Variants in DCDC1 observed in about 807,000 individuals in gnomAD.
DCDC1 encodes doublecortin domain-containing protein 1.
In DCDC1, 200 loss-of-function variants were observed where a neutral mutation model predicts 178.3. That is an observed-to-expected ratio of 1.12 (90% CI 1.00 to 1.26). DCDC1 has a LOEUF of 1.26. Ranked by LOEUF, DCDC1 falls within the 50% of genes most tolerant of loss-of-function variation. The probability of loss-of-function intolerance (pLI) is 0.00; values close to 1 mark genes in which losing one functional copy is unlikely to be tolerated. For synonymous variants in DCDC1, 690 were observed against 604.8 expected (o/e 1.14, Z -2.07); for missense variants, 1,983 against 1,749.2 (o/e 1.13, Z -2.38).
chr11:30,933,608 T>C (rs970090136), intron 21 of DCDC1, among the ~76,000 whole-genome samples: 2 of 145,884 alleles, frequency 1.4e-5, no homozygotes, highest in Non-Finnish European at 2.9e-5. Context: ...GAAATTAACA[T>C]GTAATTTTCA....
chr11:31,269,858 A>AT (rs1431319301), intron 7 of DCDC1, among the ~76,000 whole-genome samples: 1 of 152,136 alleles, frequency 6.6e-6, no homozygotes, highest in African/African-American at 2.4e-5. Flanking sequence ...ATCCAGACAT[A>AT]TCTATTATAG....
At chr11:31,107,172 G>A (rs1372952543) in intron 12 of DCDC1, among the ~76,000 whole-genome samples, 1 of 152,142 alleles carries the variant, frequency 6.6e-6, no homozygotes, top group Non-Finnish European at 1.5e-5. Flanking sequence ...ACCAGCAGGG[G>A]GGGCCACAGG....
intron 12 of DCDC1, among the ~76,000 whole-genome samples, chr11:31,109,676 G>A (rs1027032689): frequency 8.5e-5 from 13 of 152,162 alleles, no homozygotes; most frequent in Non-Finnish European, 1.8e-4. Context: ...AAACACTGCT[G>A]TGCGCTCGGG....
chr11:31,256,350 C>T (rs777324908), intron 8 of DCDC1, among the ~76,000 whole-genome samples: 100 of 152,104 alleles, frequency 6.6e-4, no homozygotes, highest in Non-Finnish European at 1.0e-3. Flanking sequence ...ACATGTTTGG[C>T]GGGTCCCCAT....
chr11:30,884,033 A>ATTTTTTTTTTTTTTTTTTTT (rs59940255), intron 36 of DCDC1, among the ~76,000 whole-genome samples: 9 of 95,770 alleles, frequency 9.4e-5, no homozygotes, highest in Non-Finnish European at 1.8e-4. Flanking sequence ...ATTCTTTCTC[A>ATTTTTTTTTTTTTTTTTTTT]TTTTTTTTTT....
intron 6 of DCDC1, among the ~76,000 whole-genome samples, chr11:31,293,435 A>C (rs1947375792): frequency 6.6e-6 from 1 of 152,136 alleles, no homozygotes; most frequent in African/African-American, 2.4e-5. Flanking sequence ...TTACCAATAA[A>C]GGGTTTTCCA....
At position 31,189,074 on chromosome 11, in the gene DCDC1, C is replaced by A. The variant is rs114563987; in HGVS notation, c.1222-51290G>T. ...AATTTGTTGGTGCCTTCATCTGGTACTTCTCAGCCACCAAAACTATAAGTA... is the reference window on the plus strand; with the variant it reads ...AATTTGTTGGTGCCTTCATCTGGTAATTCTCAGCCACCAAAACTATAAGTA... On this transcript the variant is annotated intron_variant, in intron 9 of 38. Coordinates refer to ENST00000684477, the MANE Select transcript of DCDC1 (RefSeq NM_001387274.1). Among the ~76,000 whole-genome samples the A allele has an allele frequency of 7.6e-3, 1,157 of 152,248 alleles. 18 individuals carry two copies. The highest frequency in any genetic ancestry group is 0.026 in the African/African-American group (1,091 of 41,538).
intron 3 of DCDC1, among the ~76,000 whole-genome samples, chr11:31,325,505 G>A (rs1418014605): frequency 3.3e-5 from 5 of 152,050 alleles, no homozygotes; most frequent in African/African-American, 7.2e-5. Context: ...TCTTGTGAGG[G>A]GGCATGTCCT....
At chr11:31,028,156 CAGAT>C (rs1241789392) in intron 20 of DCDC1, among the ~76,000 whole-genome samples, 4 of 151,798 alleles carry the variant, frequency 2.6e-5, no homozygotes, top group Admixed American at 6.6e-5. Flanking sequence ...TTTTCTAACA[CAGAT>C]AAAGTTGTTA....
At chr11:30,978,779 A>AACACAC (rs56058117) in intron 20 of DCDC1, among the ~76,000 whole-genome samples, 1,537 of 118,936 alleles carry the variant, frequency 0.013, 42 homozygotes, top group African/African-American at 0.05. Flanking sequence ...GTCCCCCCTC[A>AACACAC]ACACACACAC....
chr11:31,355,389 G>A (rs1329490214), intron 1 of DCDC1, among the ~76,000 whole-genome samples: 1 of 152,032 alleles, frequency 6.6e-6, no homozygotes, highest in Non-Finnish European at 1.5e-5. Flanking sequence ...TCAGGCAAGA[G>A]CCAACAGTAT....
chr11:31,221,311 T>C (rs1470555940), intron 9 of DCDC1, among the ~76,000 whole-genome samples: 1 of 152,206 alleles, frequency 6.6e-6, no homozygotes, highest in Non-Finnish European at 1.5e-5. Context: ...CTAGACAAGT[T>C]ATATGCTTCC....
chr11:31,048,698 A>T (rs1459119664), intron 20 of DCDC1, among the ~76,000 whole-genome samples: 7 of 149,906 alleles, frequency 4.7e-5, no homozygotes, highest in Non-Finnish European at 7.4e-5. Context: ...CTAAAAATAT[A>T]AAAAAAAAAT....
intron 9 of DCDC1, among the ~76,000 whole-genome samples, chr11:31,147,888 G>A (rs1366288449): frequency 6.6e-6 from 1 of 152,154 alleles, no homozygotes; most frequent in African/African-American, 2.4e-5. Flanking sequence ...GCTGCTAATG[G>A]TACAGATTTT....
chr11:30,910,652 T>C (rs2134171468), intron 28 of DCDC1, among the ~76,000 whole-genome samples: 1 of 152,106 alleles, frequency 6.6e-6, no homozygotes, highest in East Asian at 1.9e-4. Context: ...TCTCCCTTAC[T>C]AGCAAGGAAA....
intron 1 of DCDC1, among the ~76,000 whole-genome samples, chr11:31,352,805 C>T (rs373223571): frequency 1.3e-5 from 2 of 152,156 alleles, no homozygotes; most frequent in African/African-American, 4.8e-5. Context: ...AGGCTACACT[C>T]GTATGTAGCC....
intron 1 of DCDC1, among the ~76,000 whole-genome samples, chr11:31,354,908 T>A (rs1951254565): frequency 6.6e-6 from 1 of 152,148 alleles, no homozygotes; most frequent in African/African-American, 2.4e-5. Context: ...AAAAAAGGTA[T>A]TTCCTTATTT....
chr11:31,127,492 C>T lies in DCDC1; in HGVS notation c.1462G>A (p.Val488Ile). 1 of 702,554 alleles carries T rather than the reference C, an allele frequency of 1.4e-6. No homozygotes were observed. Among genetic ancestry groups the T allele is most frequent in the South Asian group, 1.5e-5 (1 of 67,590 alleles). 43.5% of individuals were successfully genotyped at this position (702,554 alleles called of 1,614,324 possible). The change falls in exon 11 of 39, where the codon GTC (valine) becomes ATC (isoleucine). Residue 488 changes from valine to isoleucine, a missense_variant. By Grantham distance (29) the Val-to-Ile change is conservative (BLOSUM62 3). Coordinates refer to ENST00000684477, the MANE Select transcript of DCDC1 (RefSeq NM_001387274.1). ...HIKSLPANTL[V>I]PGGLQLKVFE... is the part of the protein sequence containing the mutation. ...ACCTTAAGCTGCAGGCCTCCTGGGA[C>T]AAGCGTGTTTGCTGGAAGGCTTTTA...
At chr11:30,885,325 A>G (rs532972902) in intron 36 of DCDC1, among the ~76,000 whole-genome samples, 1 of 152,050 alleles carries the variant, frequency 6.6e-6, no homozygotes, top group African/African-American at 2.4e-5. Context: ...ATGACCTCAG[A>G]ATGATAAAGG....
Sources: gnomAD v4.1 joint callset for allele counts (sites outside exome capture counted in the v4.1 genomes callset) on GRCh38, gnomAD v4.1.1 for gene constraint, MANE v1.5 for transcripts, NCBI Gene and HGNC (gene_info 2026-07-23, HGNC 2026-07-21) for gene names.